PSD3: variants seen among roughly 807,000 people sequenced by gnomAD.
PSD3 encodes PH and SEC7 domain-containing protein 3.
In PSD3, 49 loss-of-function variants were observed where a neutral mutation model predicts 105.5. That is an observed-to-expected ratio of 0.46 (90% CI 0.37 to 0.59). The LOEUF (loss-of-function observed/expected upper bound fraction) is 0.59. PSD3 is among the 20% of genes least tolerant of loss of function. The pLI is 0.00. For synonymous variants in PSD3, 557 were observed against 457.8 expected (o/e 1.22, Z -2.77); for missense variants, 1,561 against 1,263.8 (o/e 1.24, Z -3.57).
At chr8:18,568,954 G>A (rs1430980449) in intron 14 of PSD3, among the ~76,000 whole-genome samples, 1 of 148,390 alleles carries the variant, frequency 6.7e-6, no homozygotes, top group Non-Finnish European at 1.5e-5. Context: ...AGAATATGTG[G>A]TGTTTGGTTT....
chr8:18,841,300 C>T (rs1002969553), intron 4 of PSD3, among the ~76,000 whole-genome samples: 7 of 152,128 alleles, frequency 4.6e-5, no homozygotes, highest in African/African-American at 1.4e-4. Context: ...GTATTCTCAG[C>T]GAGGGCAGCC....
In PSD3 at chr8:18,962,049, C is replaced by T. The variant is rs903279319; in HGVS notation, c.22-25907G>A. Among the ~76,000 whole-genome samples the T allele has an allele frequency of 5.3e-5, 8 of 152,184 alleles. No individual in the cohort carries two copies. In the South Asian group the frequency reaches 6.2e-4, roughly 12 times the overall value. ...TCACTTGAGGTCAGGTGTTTGTGAC[C>T]AGCCTGGCCAACATGGTAAAATCCC... On this transcript the variant is annotated intron_variant, in intron 1 of 15. Coordinates refer to ENST00000327040, the MANE Select transcript of PSD3 (RefSeq NM_015310.4).
At chr8:18,994,309 T>C (rs1168668294) in intron 1 of PSD3, among the ~76,000 whole-genome samples, 1 of 152,130 alleles carries the variant, frequency 6.6e-6, no homozygotes, top group Non-Finnish European at 1.5e-5. Context: ...TTTATAATTA[T>C]CTATTTTCTG....
intron 9 of PSD3, among the ~76,000 whole-genome samples, chr8:18,679,093 T>C (rs1800236725): frequency 6.6e-6 from 1 of 152,262 alleles, no homozygotes; most frequent in Non-Finnish European, 1.5e-5. Flanking sequence ...TAGGCAGATA[T>C]CAATGTCCTG....
chr8:18,808,887 C>T, intron 4 of PSD3: 3 of 1,577,978 alleles, frequency 1.9e-6, no homozygotes, highest in South Asian at 2.3e-5. Flanking sequence ...CACAGCCTTC[C>T]AAGAACCTGG....
intron 12 of PSD3, among the ~76,000 whole-genome samples, chr8:18,580,243 A>C (rs943620410): frequency 2.0e-5 from 3 of 152,058 alleles, no homozygotes; most frequent in Non-Finnish European, 4.4e-5. Flanking sequence ...GTGACAGGAG[A>C]CCAGGCCAGA....
At chr8:18,777,194 C>T (rs1272395103) in intron 8 of PSD3, among the ~76,000 whole-genome samples, 1 of 152,024 alleles carries the variant, frequency 6.6e-6, no homozygotes, top group African/African-American at 2.4e-5. Context: ...AGGCATGCAC[C>T]ACCACGCCCA....
intron 9 of PSD3, among the ~76,000 whole-genome samples, chr8:18,688,602 TC>T (rs1800793846): frequency 6.6e-6 from 1 of 152,226 alleles, no homozygotes; most frequent in African/African-American, 2.4e-5. Context: ...ATGTATCACA[TC>T]CTAACATTGA....
rs1194319595 is a variant in PSD3 at position 18,529,136 on chromosome 8, C to G, written c.*6607G>C. 6.6e-6 allele frequency: 1 copy of G among 152,166 alleles called. No homozygotes were observed. Among genetic ancestry groups the G allele is most frequent in the Non-Finnish European group, 1.5e-5 (1 of 68,032 alleles). The allele number at this position is 152,166 out of a possible 1,614,324, so 9.4% of individuals were successfully genotyped here. ...TGCACACCAGCTTCTGGGACTTCAC[C>G]CAGGCTACGGAGAGATGCTGGAGAG... On this transcript the variant is annotated 3_prime_UTR_variant, in exon 16 of 16. Coordinates refer to ENST00000327040, the MANE Select transcript of PSD3 (RefSeq NM_015310.4).
intron 1 of PSD3, among the ~76,000 whole-genome samples, chr8:19,022,393 G>T (rs1213277668): frequency 6.6e-6 from 1 of 152,130 alleles, no homozygotes. Flanking sequence ...CCACCCTACT[G>T]GGTGGACCCC....
chr8:18,776,304 A>G (rs1808071904), intron 8 of PSD3, among the ~76,000 whole-genome samples: 1 of 146,976 alleles, frequency 6.8e-6, no homozygotes, highest in Non-Finnish European at 1.5e-5. Context: ...GTATAAATAT[A>G]TATAGTATAA....
intron 8 of PSD3, among the ~76,000 whole-genome samples, chr8:18,787,972 G>T (rs953599513): frequency 2.0e-5 from 3 of 152,190 alleles, no homozygotes; most frequent in African/African-American, 7.2e-5. Context: ...GGCTTTGCAA[G>T]TCATATATTC....
At chr8:18,708,828 G>A (rs1802059408) in intron 9 of PSD3, among the ~76,000 whole-genome samples, 1 of 152,094 alleles carries the variant, frequency 6.6e-6, no homozygotes, top group South Asian at 2.1e-4. Flanking sequence ...GTGACCCATG[G>A]AGAGCAAGAA....
chr8:18,755,181 T>C (rs1019014710), intron 9 of PSD3, among the ~76,000 whole-genome samples: 13 of 151,990 alleles, frequency 8.6e-5, no homozygotes, highest in African/African-American at 3.1e-4. Flanking sequence ...GTAATCCCAG[T>C]ACTTTGGGAG....
rs1799495029 is a variant in PSD3 at position 18,528,090 on chromosome 8, T to C, written c.*7653A>G. 1 of 152,240 alleles carries C rather than the reference T, an allele frequency of 6.6e-6. No individual in the cohort carries two copies. Among genetic ancestry groups the C allele is most frequent in the African/African-American group, 2.4e-5 (1 of 41,470 alleles). The allele number at this position is 152,240 out of a possible 1,614,324, so 9.4% of individuals were successfully genotyped here. ...TAAAAGATACAAATTATCGCCTTTC[T>C]GCCTGTCCTATGGTAATCAAGGCTG... On this transcript the variant is annotated 3_prime_UTR_variant, in exon 16 of 16. Coordinates refer to ENST00000327040, the MANE Select transcript of PSD3 (RefSeq NM_015310.4).
At chr8:18,912,287 G>A (rs996898622) in intron 2 of PSD3, among the ~76,000 whole-genome samples, 4 of 152,134 alleles carry the variant, frequency 2.6e-5, no homozygotes, top group Non-Finnish European at 5.9e-5. Context: ...TATTAACTCC[G>A]AAACAAATCT....
intron 1 of PSD3, among the ~76,000 whole-genome samples, chr8:18,998,670 G>A (rs1391585436): frequency 6.6e-6 from 1 of 151,894 alleles, no homozygotes; most frequent in African/African-American, 2.4e-5. Context: ...CCGAGCAACA[G>A]AGCGAGATTC....
At chr8:18,711,975 T>C (rs1237463682) in intron 9 of PSD3, among the ~76,000 whole-genome samples, 1 of 152,042 alleles carries the variant, frequency 6.6e-6, no homozygotes, top group African/African-American at 2.4e-5. Context: ...AAGAAACCCA[T>C]ATAAAACCAC....
chr8:18,738,808 T>C (rs1804343713), intron 9 of PSD3, among the ~76,000 whole-genome samples: 1 of 151,592 alleles, frequency 6.6e-6, no homozygotes, highest in Non-Finnish European at 1.5e-5. Context: ...AAGTAAGCTA[T>C]ACCACACCCG....
Sources: gnomAD v4.1 joint callset for allele counts (sites outside exome capture counted in the v4.1 genomes callset) on GRCh38, gnomAD v4.1.1 for gene constraint, MANE v1.5 for transcripts, NCBI Gene and HGNC (gene_info 2026-07-23, HGNC 2026-07-21) for gene names.